Variants in GOLGA8Q observed in about 807,000 individuals in gnomAD.
GOLGA8Q encodes golgin A8 family member Q.
GOLGA8Q carries 3 observed loss-of-function variants against 48.7 expected under a neutral mutation model. The observed-to-expected ratio is 0.06, with a 90% CI of 0.03 to 0.16. GOLGA8Q has a LOEUF of 0.16. Among genes scored for constraint, GOLGA8Q ranks in the 10% least tolerant of loss-of-function variants. The probability of loss-of-function intolerance (pLI) is 1.00; values close to 1 mark genes in which losing one functional copy is unlikely to be tolerated. For missense variants in GOLGA8Q, 49 were observed against 364.3 expected, an observed-to-expected ratio of 0.13 and a Z score of 7.05; for synonymous variants, 22 against 138.2, an observed-to-expected ratio of 0.16 and a Z score of 5.90.
chr15:30,555,593 C>T (rs1314041734), intron 4 of GOLGA8Q, among the ~76,000 whole-genome samples: 2 of 109,744 alleles, frequency 1.8e-5, no homozygotes, highest in African/African-American at 7.2e-5. Flanking sequence ...CCTGTCTGTC[C>T]TTTTCCATCC....
rs2059674675 is a variant in GOLGA8Q, at chr15:30,560,635, G to A, written c.1276+24G>A. On this transcript the variant is annotated intron_variant, in intron 14 of 18. Transcript: ENST00000562783. Reference sequence around the variant, plus strand: ...AGGTACGGGAGACCGCTCAGAGGAAGAGGAGAGAGCCCCAGGAGGAAGGGG... The same window carrying A: ...AGGTACGGGAGACCGCTCAGAGGAAAAGGAGAGAGCCCCAGGAGGAAGGGG... 2.2e-5 allele frequency: 24 copies of A among 1,087,234 alleles called. 7 individuals are homozygous for A. The South Asian group carries it at 3.5e-4, about 16-fold the overall frequency. 67.3% of individuals were successfully genotyped at this position (1,087,234 alleles called of 1,614,324 possible).
intron 15 of GOLGA8Q, 92 bp from the exon 16 acceptor site, chr15:30,561,601 CGGAGAAGCTGGCCCAT>C: frequency 3.0e-6 from 2 of 677,646 alleles, no homozygotes; most frequent in Non-Finnish European, 4.9e-6. Context: ...CAGGAAGTCA[CGGAGAAGCTGGCCCAT>C]GCCAGGACTC....
Position 30,557,807 on chromosome 15 carries a change from CCAGG to C in GOLGA8Q, c.651_654del (p.Gln217HisfsTer3). On this transcript the variant is annotated frameshift_variant, in exon 9 of 19. Coordinates refer to ENST00000562783, the MANE Select transcript of GOLGA8Q (RefSeq NM_001355476.2). LOFTEE classifies it high-confidence loss of function. ...GGGAGTTAGAGCAGTCCCTACAGGA[CCAGG>C]CACTGCTGAAAGCGCAGCTGACACA... 6.4e-7 allele frequency: 1 copy of C among 1,572,576 alleles called. No homozygotes were observed. The highest frequency in any genetic ancestry group is 8.7e-7 in the Non-Finnish European group (1 of 1,155,946).
rs2059674261 is a variant in GOLGA8Q, at chr15:30,560,589, C to T, written c.1254C>T (p.Asn418=). 2 of 1,132,216 alleles carry T rather than the reference C, an allele frequency of 1.8e-6. No homozygotes were observed. Among genetic ancestry groups the T allele is most frequent in the Non-Finnish European group, 2.4e-6 (2 of 835,616 alleles). 70.1% of individuals were successfully genotyped at this position (1,132,216 alleles called of 1,614,324 possible). A position where few individuals can be genotyped will look rare whatever the true frequency, so the allele number is the denominator to read the frequency against. ...QQNQQLTAQL[N]LMALPGEGHG... ...ACCAGCAGCTAACGGCCCAGCTGAA[C>T]CTCATGGCTCTCCCTGGGGAAGGTA... The change falls in exon 14 of 19, where the codon AAC becomes AAT. Residue 418 remains asparagine, a synonymous_variant. Transcript: ENST00000562783.
chr15:30,560,573 T>C lies in GOLGA8Q; in HGVS notation c.1238T>C (p.Leu413Pro), dbSNP rs2059674030. Reference sequence around the variant, plus strand: ...GCGGCCAGCCAGCAGAACCAGCAGCTAACGGCCCAGCTGAACCTCATGGCT... The same window carrying C: ...GCGGCCAGCCAGCAGAACCAGCAGCCAACGGCCCAGCTGAACCTCATGGCT... ...LEAASQQNQQLTAQLNLMALP... is the reference protein window; with the variant it reads ...LEAASQQNQQPTAQLNLMALP... Residue 413 changes from leucine (L) to proline (P), a missense_variant, in exon 14 of 19, where the codon CTA becomes CCA. Leu to Pro is a moderately conservative substitution (Grantham distance 98, BLOSUM62 -3). Coordinates refer to ENST00000562783, the MANE Select transcript of GOLGA8Q (RefSeq NM_001355476.2). 4.4e-6 allele frequency: 5 copies of C among 1,131,060 alleles called. 1 individual carries two copies. In the South Asian group the frequency reaches 7.0e-5, roughly 16 times the overall value. 70.1% of individuals were successfully genotyped at this position (1,131,060 alleles called of 1,614,324 possible).
At position 30,560,432 on chromosome 15, in the gene GOLGA8Q, C is replaced by T. The variant is rs1378977474; in HGVS notation, c.1201-104C>T. 6.8e-6 allele frequency: 7 copies of T among 1,027,562 alleles called. 2 individuals are homozygous for T. The East Asian group carries it at 1.3e-4, about 19-fold the overall frequency. 63.7% of individuals were successfully genotyped at this position (1,027,562 alleles called of 1,614,324 possible). ...GCAAAGCAGTGGCCGAGATGGCCTG[C>T]CAAAAGTTGCAGGAGACCCAGGGGA... is the stretch of plus-strand genomic sequence containing the variant. On this transcript the variant is annotated intron_variant, in intron 13 of 18. Transcript: ENST00000562783.
rs867888873 is a variant in GOLGA8Q, at chr15:30,554,392, T to C, written c.169-409T>C. On this transcript the variant is annotated intron_variant, in intron 2 of 18. Transcript: ENST00000562783. ...TTTAGGGCAAGTTGCTAGACCTCAT[T>C]GGGCCTCTCTTTTCACATCTGTATA... 1.9e-3 allele frequency among the ~76,000 whole-genome samples: 167 copies of C among 88,512 alleles called. 6 individuals are homozygous for C. The highest frequency in any genetic ancestry group is 7.9e-3 in the African/African-American group (131 of 16,630). The allele number at this position is 88,512 out of a possible 152,430, so 58.1% of individuals were successfully genotyped here. A position where few individuals can be genotyped will look rare whatever the true frequency, so the allele number is the denominator to read the frequency against.
Position 30,562,095 on chromosome 15 carries a change from T to C in GOLGA8Q, c.1578T>C (p.Ala526=). 1.2e-6 allele frequency: 1 copy of C among 812,256 alleles called. No individual in the cohort carries two copies. The highest frequency in any genetic ancestry group is 3.3e-5 in the Admixed American group (1 of 30,700). The allele number at this position is 812,256 out of a possible 1,614,324, so 50.3% of individuals were successfully genotyped here. ...CACCCCTCCCTCCAGGTGAAGCTGCTGGAGCTGCAGCAGATGGTATTGCGG... is the reference window on the plus strand; with the variant it reads ...CACCCCTCCCTCCAGGTGAAGCTGCCGGAGCTGCAGCAGATGGTATTGCGG... The part of the protein sequence containing the change: ...GAQGGDEGEA[A]GAAADGIAAY... The change falls in exon 18 of 19, where the codon GCT becomes GCC. Residue 526 remains alanine (A), a synonymous_variant. Transcript: ENST00000562783.
At position 30,560,407 on chromosome 15, in the gene GOLGA8Q, G is replaced by A. The variant is rs1595583126; in HGVS notation, c.1201-129G>A. On this transcript the variant is annotated intron_variant, in intron 13 of 18. Transcript: ENST00000562783. ...CAGCTGCAGCAGTAGAAAGCTTGGG[G>A]CAAAGCAGTGGCCGAGATGGCCTGC... 2.9e-5 allele frequency: 30 copies of A among 1,050,552 alleles called. 5 individuals carry two copies. The East Asian group carries it at 7.1e-4, about 25-fold the overall frequency. The allele number at this position is 1,050,552 out of a possible 1,614,324, so 65.1% of individuals were successfully genotyped here. A position where few individuals can be genotyped will look rare whatever the true frequency, so the allele number is the denominator to read the frequency against.
At position 30,562,208 on chromosome 15, in the gene GOLGA8Q, C is replaced by A. The variant is rs1366445785; in HGVS notation, c.1691C>A (p.Pro564His). The stretch of plus-strand genomic sequence containing the variant: ...GAGCCCGGTCCAGGAGCCCCAGCCC[C>A]CCAGGAGCTTGGGGCTGCAGACAAG... ...ADEPGPGAPA[P>H]QELGAADKHG... The change falls in exon 18 of 19, where the codon CCC becomes CAC. Residue 564 changes from proline (P) to histidine (H), a missense_variant. Physicochemically the swap from Pro to His is moderately conservative, Grantham distance 77. Coordinates refer to ENST00000562783, the MANE Select transcript of GOLGA8Q (RefSeq NM_001355476.2). The A allele has an allele frequency of 7.3e-6, 8 of 1,094,108 alleles. 3 individuals carry two copies. The highest frequency in any genetic ancestry group is 8.6e-6 in the Non-Finnish European group (7 of 810,862). 67.8% of individuals were successfully genotyped at this position (1,094,108 alleles called of 1,614,324 possible).
intron 4 of GOLGA8Q, among the ~76,000 whole-genome samples, chr15:30,555,674 T>C (rs2140719758): frequency 1.0e-5 from 1 of 97,792 alleles, no homozygotes; most frequent in South Asian, 3.0e-4. Context: ...AACCCACTTT[T>C]CTAAATCACA....
Position 30,558,059 on chromosome 15 carries a change from C to A in GOLGA8Q, c.786+8C>A, listed in dbSNP as rs759053500. The A allele has an allele frequency of 3.7e-6, 4 of 1,072,404 alleles. No homozygotes were observed. In the South Asian group the frequency reaches 4.2e-5, roughly 11 times the overall value. The allele number at this position is 1,072,404 out of a possible 1,614,324, so 66.4% of individuals were successfully genotyped here. On this transcript the variant is annotated splice_region_variant and intron_variant, in intron 10 of 18. Coordinates refer to ENST00000562783, the MANE Select transcript of GOLGA8Q (RefSeq NM_001355476.2). The stretch of plus-strand genomic sequence containing the variant: ...AGTAAAATGTTGCAGGAGGTGAGAT[C>A]TGACCCTTCAGCCCCCCCACATTAG...
chr15:30,555,620 A>T lies in GOLGA8Q; in HGVS notation c.310-354A>T, dbSNP rs1280491403. Among the ~76,000 whole-genome samples the T allele has an allele frequency of 1.8e-5, 2 of 108,402 alleles. 1 individual carries two copies. Among genetic ancestry groups the T allele is most frequent in the Non-Finnish European group, 4.1e-5 (2 of 48,604 alleles). The allele number at this position is 108,402 out of a possible 152,430, so 71.1% of individuals were successfully genotyped here. On this transcript the variant is annotated intron_variant, in intron 4 of 18. Coordinates refer to ENST00000562783, the MANE Select transcript of GOLGA8Q (RefSeq NM_001355476.2). ...TTTCCATCCTATATCTGCTGTGAAG[A>T]ACCGTACCTGGCCCATACGTGCTCA...
At chr15:30,554,324 G>A (rs2059628965) in intron 2 of GOLGA8Q, among the ~76,000 whole-genome samples, 1 of 121,318 alleles carries the variant, frequency 8.2e-6, no homozygotes, top group African/African-American at 3.7e-5. Flanking sequence ...AAGGAATTCT[G>A]GGTTTGAATC....
chr15:30,557,306 T>G (rs2059648911), intron 8 of GOLGA8Q, among the ~76,000 whole-genome samples: 2 of 62,622 alleles, frequency 3.2e-5, no homozygotes, highest in African/African-American at 1.7e-4. Flanking sequence ...GAGAATTGGA[T>G]AGACCTGGGT....
intron 12 of GOLGA8Q, 117 bp from the exon 13 acceptor site, chr15:30,559,106 G>C: frequency 2.4e-6 from 1 of 419,166 alleles, no homozygotes. Flanking sequence ...GGCTGTGGGA[G>C]AGAGGGGGTG....
Sources: allele counts gnomAD v4.1 joint callset (sites outside exome capture counted in the v4.1 genomes callset), GRCh38; gene constraint gnomAD v4.1.1; transcripts MANE v1.5; gene names NCBI Gene and HGNC (gene_info 2026-07-23, HGNC 2026-07-21).